Variants in PCNX3 observed in about 807,000 individuals in gnomAD.
PCNX3 encodes pecanex 3, also known as pecanex-like protein 3.
PCNX3 carries 58 observed loss-of-function variants against 207.2 expected under a neutral mutation model. The observed-to-expected ratio is 0.28, with a 90% CI of 0.23 to 0.35. The LOEUF (loss-of-function observed/expected upper bound fraction) is 0.35, where lower values mean the gene tolerates loss of function less well. Among genes scored for constraint, PCNX3 ranks in the 10% least tolerant of loss-of-function variants. The pLI is 1.00. For missense variants in PCNX3, 2,410 were observed against 2,774.4 expected (o/e 0.87, Z 2.95); for synonymous variants, 1,337 against 1,183.5 (o/e 1.13, Z -2.66).
chr11:65,623,885 G>C, intron 12 of PCNX3, 44 bp from the exon 13 acceptor site: 2 of 1,611,984 alleles, frequency 1.2e-6, no homozygotes, highest in Non-Finnish European at 1.7e-6. Flanking sequence ...TGACCATCCC[G>C]TGGGCATCGG....
chr11:65,634,227 C>G lies in PCNX3; in HGVS notation c.4572C>G (p.Ala1524=). 6.2e-7 allele frequency: 1 copy of G among 1,613,280 alleles called. No individual in the cohort carries two copies. ...ALRPVRVPGY[A]DSDPTFSLSV... ...GGCCTGTGCGGGTGCCCGGCTATGC[C>G]GACTCGGATCCCACCTTCTCGCTGA... The change falls in exon 28 of 35, where the codon GCC becomes GCG. Residue 1524 remains alanine, a synonymous_variant. Transcript: ENST00000355703.
At position 65,618,468 on chromosome 11, in the gene PCNX3, G is replaced by A; in HGVS notation, c.1106G>A (p.Gly369Glu). 1.9e-6 allele frequency: 3 copies of A among 1,608,958 alleles called. No individual in the cohort carries two copies. Among genetic ancestry groups the A allele is most frequent in the Non-Finnish European group, 2.5e-6 (3 of 1,178,242 alleles). ...LRSFDTVIGA[G>E]TPPGLAEPLL... ...TCCTTTGACACGGTCATTGGAGCAG[G>A]GACGCCACCGGGCCTGGCTGAGCCG... Residue 369 changes from glycine to glutamate, a missense_variant, in exon 6 of 35, where the codon GGG (glycine) becomes GAG (glutamate). Around this residue, in one of 8 missense-constraint regions of PCNX3, gnomAD observed 1,104 missense variants for 970.3 expected, o/e 1.14. Transcript: ENST00000355703.
Position 65,618,751 on chromosome 11 carries a change from G to A in PCNX3, c.1389G>A (p.Gly463=). The change falls in exon 6 of 35, where the codon GGG becomes GGA. Residue 463 remains glycine, a synonymous_variant. Transcript: ENST00000355703. ...CTGAGAGCTCCCGGGGTGCAGCAGGGGGACCCCGGAAGCGGAGGGCCCCCC... is the reference window on the plus strand; with the variant it reads ...CTGAGAGCTCCCGGGGTGCAGCAGGAGGACCCCGGAAGCGGAGGGCCCCCC... ...YSPESSRGAA[G]GPRKRRAPHG... The A allele has an allele frequency of 1.2e-6, 2 of 1,611,896 alleles. No homozygotes were observed. Among genetic ancestry groups the A allele is most frequent in the Non-Finnish European group, 1.7e-6 (2 of 1,179,286 alleles).
In PCNX3 at chr11:65,636,506, TG is replaced by T; in HGVS notation, c.5711del (p.Gly1904AspfsTer64). ...TGCAGTGGCCTCCCCCTCGGCTCCC[TG>T]GACCACCCCCTGCATCGCCTATCCC... is the stretch of plus-strand genomic sequence containing the variant. ...LLQWPPPRLPGPPPASPIPTE... is the reference protein window; with the variant it reads ...LLQWPPPRLPXPPPASPIPTE... On this transcript the variant is annotated frameshift_variant, in exon 34 of 35. Transcript: ENST00000355703. LOFTEE classifies it high-confidence loss of function. 6.3e-7 allele frequency: 1 copy of T among 1,581,312 alleles called. No homozygotes were observed. The highest frequency in any genetic ancestry group is 8.6e-7 in the Non-Finnish European group (1 of 1,165,490).
intron 10 of PCNX3, 85 bp from the exon 11 acceptor site, chr11:65,622,160 A>G (rs1144789): frequency 0.59 from 858,399 of 1,448,470 alleles, 247,890 homozygotes; most frequent in Admixed American, 0.7. Flanking sequence ...ACAGTAGACC[A>G]TGTGGGGGGT....
rs1854695543 is a variant in PCNX3, at chr11:65,615,797, C to CG, written c.-513dup. The CG allele has an allele frequency of 6.6e-6, 1 of 152,236 alleles. No homozygotes were observed. Among genetic ancestry groups the CG allele is most frequent in the South Asian group, 2.1e-4 (1 of 4,836 alleles). 9.4% of individuals were successfully genotyped at this position (152,236 alleles called of 1,614,324 possible). A position where few individuals can be genotyped will look rare whatever the true frequency, so the allele number is the denominator to read the frequency against. The stretch of plus-strand genomic sequence containing the variant: ...GGGCGCATGCGCCACTGCAGGCTGG[C>CG]GGTTCGCGGCTCCTTCTTCCGGCCT... On this transcript the variant is annotated 5_prime_UTR_variant, in exon 1 of 35. It removes the in-frame stop codon of an upstream open reading frame in the 5' UTR. Coordinates refer to ENST00000355703, the MANE Select transcript of PCNX3 (RefSeq NM_032223.4).
chr11:65,620,794 G>A (rs765699365), intron 9 of PCNX3, 37 bp from the exon 10 acceptor site: 19 of 1,583,566 alleles, frequency 1.2e-5, no homozygotes, highest in Middle Eastern at 1.7e-4. Flanking sequence ...CCCAGGGCTC[G>A]CCCGTGGGGG....
rs757913151 is a variant in PCNX3, at chr11:65,625,778, T to G, written c.3228+34T>G. ...GGCATGGGCCGCTGCTGCCTCTCGCTGTCTTGGCGGGAGCCTGCTCAATCT... is the reference window on the plus strand; with the variant it reads ...GGCATGGGCCGCTGCTGCCTCTCGCGGTCTTGGCGGGAGCCTGCTCAATCT... On this transcript the variant is annotated intron_variant, in intron 19 of 34. Transcript: ENST00000355703. The surrounding 1 kb of genome is among the most constrained non-coding windows in gnomAD (Gnocchi z 5.6). The G allele has an allele frequency of 6.2e-7, 1 of 1,601,624 alleles. No individual in the cohort carries two copies. Among genetic ancestry groups the G allele is most frequent in the Non-Finnish European group, 8.5e-7 (1 of 1,175,708 alleles).
chr11:65,636,464 G>A lies in PCNX3; in HGVS notation c.5667G>A (p.Gly1889=). ...CCTCCCTGAGTGGCTCTGGTGATGG[G>A]CGGCCCCCACCTCTGCTGCAGTGGC... ...PRSSLSGSGD[G]RPPPLLQWPP... is the part of the protein sequence containing the mutation. Residue 1889 remains glycine, a synonymous_variant, in exon 34 of 35, where the codon GGG becomes GGA. Transcript: ENST00000355703. The A allele has an allele frequency of 1.9e-6, 3 of 1,559,634 alleles. No homozygotes were observed. The highest frequency in any genetic ancestry group is 2.6e-6 in the Non-Finnish European group (3 of 1,154,760).
intron 22 of PCNX3, among the ~76,000 whole-genome samples, chr11:65,627,891 A>G (rs1232132521): frequency 6.6e-6 from 1 of 152,098 alleles, no homozygotes; most frequent in East Asian, 1.9e-4. Flanking sequence ...ACCTGGCCTT[A>G]TCCTCTGGAC....
chr11:65,624,693 C>T, intron 15 of PCNX3, 112 bp downstream of exon 15: 1 of 1,067,734 alleles, frequency 9.4e-7, no homozygotes. Context: ...GTCTGTACTG[C>T]AGACTCAAGG....
rs747298662 is a variant in PCNX3 at position 65,620,325 on chromosome 11, A to G, written c.2009-14A>G. On this transcript the variant is annotated splice_polypyrimidine_tract_variant and intron_variant, in intron 8 of 34. Coordinates refer to ENST00000355703, the MANE Select transcript of PCNX3 (RefSeq NM_032223.4). ...TCTCTGCCACGCTGCCTCATCTCCCATACCCTGCCCCAGGTGTGCGGCGTT... is the reference window on the plus strand; with the variant it reads ...TCTCTGCCACGCTGCCTCATCTCCCGTACCCTGCCCCAGGTGTGCGGCGTT... 3.0e-5 allele frequency: 49 copies of G among 1,610,578 alleles called. No individual in the cohort carries two copies. Among genetic ancestry groups the G allele is most frequent in the Non-Finnish European group, 3.9e-5 (46 of 1,178,366 alleles).
In PCNX3 at chr11:65,616,844, G is replaced by C. The variant is rs773147260; in HGVS notation, c.174G>C (p.Met58Ile). The C allele has an allele frequency of 1.2e-6, 2 of 1,612,944 alleles. No individual in the cohort carries two copies. The highest frequency in any genetic ancestry group is 8.5e-7 in the Non-Finnish European group (1 of 1,179,304). ...LLYMVLPPSL[M>I]VAGVYCLVVA... ...TTCAGGTCCTGCCTCCCAGCTTGAT[G>C]GTGGCCGGCGTGTACTGCCTCGTGG... The change falls in exon 2 of 35, where the codon ATG (methionine) becomes ATC (isoleucine). Residue 58 changes from methionine (M) to isoleucine (I), a missense_variant. Transcript: ENST00000355703.
intron 11 of PCNX3, among the ~76,000 whole-genome samples, chr11:65,623,011 C>T (rs1326311343): frequency 6.6e-6 from 1 of 151,798 alleles, no homozygotes; most frequent in Non-Finnish European, 1.5e-5. Flanking sequence ...TCAGAGGGGA[C>T]ACAGAGTCCC....
rs1273396638 is a variant in PCNX3, at chr11:65,629,551, C to T, written c.4032C>T (p.Phe1344=). The T allele has an allele frequency of 1.2e-6, 2 of 1,613,752 alleles. No individual in the cohort carries two copies. Among genetic ancestry groups the T allele is most frequent in the African/African-American group, 2.7e-5 (2 of 75,064 alleles). The change falls in exon 26 of 35, where the codon TTC becomes TTT. Residue 1344 remains phenylalanine, a synonymous_variant. Transcript: ENST00000355703. Reference sequence around the variant, plus strand: ...ATGACAACAACCTCAACTCCATCTTCTATGAGCACTTGACACGTTCGCTGC... The same window carrying T: ...ATGACAACAACCTCAACTCCATCTTTTATGAGCACTTGACACGTTCGCTGC... ...GADDNNLNSI[F]YEHLTRSLQH... is the part of the protein sequence containing the mutation.
Position 65,616,164 on chromosome 11 carries a change from C to A in PCNX3, c.-148C>A. 1.9e-6 allele frequency: 1 copy of A among 515,812 alleles called. No individual in the cohort carries two copies. Among genetic ancestry groups the A allele is most frequent in the East Asian group, 3.8e-5 (1 of 26,004 alleles). The allele number at this position is 515,812 out of a possible 1,614,324, so 32.0% of individuals were successfully genotyped here. A position where few individuals can be genotyped will look rare whatever the true frequency, so the allele number is the denominator to read the frequency against. On this transcript the variant is annotated 5_prime_UTR_variant, in exon 1 of 35. Coordinates refer to ENST00000355703, the MANE Select transcript of PCNX3 (RefSeq NM_032223.4). ...CCCGCCCCCTGCTCGCACCCTCGCG[C>A]GGCCGAGCCCCCCTCCCCCGCTGGG...
intron 12 of PCNX3, 115 bp from the exon 13 acceptor site, chr11:65,623,814 G>C: frequency 1.3e-6 from 2 of 1,548,946 alleles, no homozygotes; most frequent in Non-Finnish European, 8.9e-7. Flanking sequence ...AGGACAGTTC[G>C]GGGGCCTGAC....
chr11:65,629,268 T>C lies in PCNX3; in HGVS notation c.3942-89T>C, dbSNP rs1855523823. On this transcript the variant is annotated intron_variant, in intron 24 of 34. Coordinates refer to ENST00000355703, the MANE Select transcript of PCNX3 (RefSeq NM_032223.4). ...CATAACGGGGCTGTCCTGGATGGCG[T>C]TGACCTTGTGGCACAGGGAGAGCAT... The C allele has an allele frequency of 6.5e-6, 9 of 1,387,616 alleles. No homozygotes were observed. In the South Asian group the frequency reaches 9.9e-5, roughly 15 times the overall value. The allele number at this position is 1,387,616 out of a possible 1,614,324, so 86.0% of individuals were successfully genotyped here.
chr11:65,619,185 A>C (rs1854932731), intron 6 of PCNX3, 118 bp downstream of exon 6: 11 of 894,592 alleles, frequency 1.2e-5, no homozygotes, highest in South Asian at 1.7e-5. Flanking sequence ...TGTAGGCAGC[A>C]GATGGACGTG....
Sources: gnomAD v4.1 joint callset for allele counts (sites outside exome capture counted in the v4.1 genomes callset) on GRCh38, gnomAD v4.1.1 for gene constraint, gnomAD v4.1.1 regional missense constraint, Gnocchi (gnomAD v3.1) non-coding constraint, MANE v1.5 for transcripts, NCBI Gene and HGNC (gene_info 2026-07-23, HGNC 2026-07-21) for gene names.